The following BSCL2 variants were observed in gnomAD, a reference collection of about 807,000 sequenced individuals.
BSCL2 encodes seipin.
Under a neutral mutation model 57.4 loss-of-function variants are expected in BSCL2, and 41 were observed. The observed-to-expected ratio is 0.71, with a 90% confidence interval of 0.56 to 0.93. The LOEUF is 0.93. BSCL2 is among the 40% of genes least tolerant of loss of function. The pLI is 0.00. For synonymous variants in BSCL2, 237 were observed against 227.3 expected (o/e 1.04, Z -0.38); for missense variants, 539 against 586.7 (o/e 0.92, Z 0.84).
intron 3 of BSCL2, among the ~76,000 whole-genome samples, chr11:62,695,797 G>A (rs941389670): frequency 6.6e-5 from 10 of 152,006 alleles, no homozygotes; most frequent in African/African-American, 2.4e-4. Flanking sequence ...TTCAGCCTTG[G>A]GGGTGCTTTC....
intron 8 of BSCL2, 23 bp downstream of exon 8, chr11:62,691,052 A>G: frequency 6.2e-7 from 1 of 1,613,978 alleles, no homozygotes; most frequent in Non-Finnish European, 8.5e-7. Context: ...CCACCTCAAC[A>G]GCTCCCCAGC....
rs771698323 is a variant in BSCL2, at chr11:62,690,834, G to A, written c.1106C>T (p.Ser369Leu). The change falls in exon 9 of 11, where the codon TCA becomes TTA. Residue 369 changes from serine to leucine, a missense_variant. This residue lies in a region of BSCL2 where 248 missense variants were observed against 239.9 expected (regional missense o/e 1.03). Coordinates refer to ENST00000360796, the MANE Select transcript of BSCL2 (RefSeq NM_001122955.4). ...GCTCTCACCATCCTCTGTAACATCT[G>A]ATTGCGGAGTTGACTCCTCCTGGCC... is the stretch of plus-strand genomic sequence containing the variant. ...PEGQEESTPQ[S>L]DVTEDGESPE... 5.6e-6 allele frequency: 9 copies of A among 1,613,696 alleles called. No homozygotes were observed. In the South Asian group the frequency reaches 7.7e-5, roughly 14 times the overall value.
chr11:62,691,532 G>C (rs1945310678), intron 6 of BSCL2, 111 bp from the exon 7 acceptor site: 1 of 1,327,170 alleles, frequency 7.5e-7, no homozygotes, highest in East Asian at 2.4e-5. Context: ...GGTTACAGCT[G>C]GCTCTGTCAC....
At chr11:62,698,721 T>C (rs555056488) in intron 3 of BSCL2, among the ~76,000 whole-genome samples, 67 of 152,094 alleles carry the variant, frequency 4.4e-4, no homozygotes, top group Non-Finnish European at 7.8e-4. Context: ...ATGGGCTGAA[T>C]TTGCTCTCAT....
rs772582974 is a variant in BSCL2, at chr11:62,691,417, G to C, written c.868C>G (p.Leu290Val). 1.2e-6 allele frequency: 2 copies of C among 1,614,168 alleles called. No homozygotes were observed. The highest frequency in any genetic ancestry group is 1.7e-6 in the Non-Finnish European group (2 of 1,180,010). ...IHAHFTGLRY[L>V]LYNFPMTCAF... is the part of the protein sequence containing the mutation. ...CAGGTCATCGGGAAGTTGTATAGCAGGTATCTGAGGCAGGAAGTAGGGACA... is the reference window on the plus strand; with the variant it reads ...CAGGTCATCGGGAAGTTGTATAGCACGTATCTGAGGCAGGAAGTAGGGACA... The change falls in exon 7 of 11, where the codon CTG (leucine) becomes GTG (valine). Residue 290 changes from leucine (L) to valine (V), a missense_variant. Around this residue, in one of 3 missense-constraint regions of BSCL2, gnomAD observed 248 missense variants for 239.9 expected, o/e 1.03. Coordinates refer to ENST00000360796, the MANE Select transcript of BSCL2 (RefSeq NM_001122955.4).
upstream of BSCL2, chr11:62,707,520 G>GCT: frequency 1.6e-6 from 1 of 622,716 alleles, no homozygotes; most frequent in Non-Finnish European, 2.9e-6. Context: ...CTTGGCCTCA[G>GCT]CTCTGTTGGG....
chr11:62,706,402 G>T, intron 1 of BSCL2: 1 of 733,686 alleles, frequency 1.4e-6, no homozygotes, highest in South Asian at 1.8e-5. Context: ...GGCGGGGCGG[G>T]ACGGGGCGGA....
upstream of BSCL2, chr11:62,709,432 C>T (rs1233938557): frequency 2.2e-6 from 1 of 453,594 alleles, no homozygotes; most frequent in Non-Finnish European, 4.4e-6. Context: ...GCAACGAAGC[C>T]AAGTTAAAAG....
At chr11:62,694,460 C>G in intron 4 of BSCL2, 108 bp downstream of exon 4, 3 of 1,544,022 alleles carry the variant, frequency 1.9e-6, no homozygotes, top group Non-Finnish European at 2.7e-6. Flanking sequence ...CTGCCTCGGC[C>G]TCCCAAACTG....
intron 3 of BSCL2, among the ~76,000 whole-genome samples, chr11:62,695,045 G>A (rs764043884): frequency 1.1e-4 from 17 of 152,352 alleles, no homozygotes; most frequent in Admixed American, 2.0e-4. Context: ...ATGGGCCGGT[G>A]AGGCTGTCCC....
At chr11:62,705,654 T>C in intron 1 of BSCL2, 37 bp from the exon 2 acceptor site, 1 of 1,467,954 alleles carries the variant, frequency 6.8e-7, no homozygotes, top group Non-Finnish European at 9.0e-7. Context: ...GTGACTCCTT[T>C]CCCCAGGGAG....
chr11:62,691,224 C>A, intron 7 of BSCL2, 56 bp downstream of exon 7: 2 of 1,614,102 alleles, frequency 1.2e-6, no homozygotes, highest in South Asian at 1.1e-5. Flanking sequence ...CCCCAACATA[C>A]CCCTGACCAC....
In BSCL2 at chr11:62,702,359, C is replaced by A. The variant is rs184321063; in HGVS notation, c.486+109G>T. The A allele has an allele frequency of 1.4e-4, 143 of 1,026,482 alleles. 1 individual carries two copies. The East Asian group carries it at 4.2e-3, about 30-fold the overall frequency. 63.6% of individuals were successfully genotyped at this position (1,026,482 alleles called of 1,614,324 possible). A position where few individuals can be genotyped will look rare whatever the true frequency, so the allele number is the denominator to read the frequency against. ...GGGATTACAGGCGTGAGCCACCGTG[C>A]CCGGCCAGTCTCTTATTACTCAATT... On this transcript the variant is annotated intron_variant, in intron 3 of 10. Transcript: ENST00000360796.
At chr11:62,691,847 G>C (rs1945318717) in intron 6 of BSCL2, among the ~76,000 whole-genome samples, 1 of 152,110 alleles carries the variant, frequency 6.6e-6, no homozygotes, top group Non-Finnish European at 1.5e-5. Flanking sequence ...TCAGGAGATT[G>C]AGACCATCCT....
chr11:62,709,422 G>A (rs147193500), upstream of BSCL2: 6 of 453,960 alleles, frequency 1.3e-5, no homozygotes, highest in East Asian at 4.2e-4. Flanking sequence ...ACACAAACGT[G>A]CAACGAAGCC....
In BSCL2 at chr11:62,702,561, T is replaced by C. The variant is rs778835265; in HGVS notation, c.405-12A>G. The C allele has an allele frequency of 6.2e-7, 1 of 1,605,452 alleles. No individual in the cohort carries two copies. Among genetic ancestry groups the C allele is most frequent in the South Asian group, 1.1e-5 (1 of 90,840 alleles). ...AATCACAGTCGGTCCTAAATGAGATTGGAGGAGGATACTCTGCTAAGTTAG... is the reference window on the plus strand; with the variant it reads ...AATCACAGTCGGTCCTAAATGAGATCGGAGGAGGATACTCTGCTAAGTTAG... On this transcript the variant is annotated splice_polypyrimidine_tract_variant and intron_variant, in intron 2 of 10. Transcript: ENST00000360796.
intron 3 of BSCL2, 124 bp from the exon 4 acceptor site, chr11:62,694,835 C>G: frequency 8.6e-7 from 1 of 1,161,936 alleles, no homozygotes. Flanking sequence ...TCTTGGGTAG[C>G]CTAACGGGCC....
upstream of BSCL2, chr11:62,708,580 G>A: frequency 6.5e-7 from 1 of 1,531,394 alleles, no homozygotes; most frequent in Non-Finnish European, 8.9e-7. Context: ...AAGTCGTAAG[G>A]AGCCCTGGAG....
At chr11:62,696,129 C>G (rs1187927986) in intron 3 of BSCL2, among the ~76,000 whole-genome samples, 1 of 152,170 alleles carries the variant, frequency 6.6e-6, no homozygotes, top group Non-Finnish European at 1.5e-5. Context: ...TGAGATCGTG[C>G]CACTGTACTC....
Sources: allele counts gnomAD v4.1 joint callset (sites outside exome capture counted in the v4.1 genomes callset), GRCh38; gene constraint gnomAD v4.1.1; regional missense constraint gnomAD v4.1.1; transcripts MANE v1.5; gene names NCBI Gene and HGNC (gene_info 2026-07-23, HGNC 2026-07-21).